INPP4A: variants seen among roughly 807,000 people sequenced by gnomAD.
INPP4A encodes the protein inositol polyphosphate-4-phosphatase type I A.
Under a neutral mutation model 119.8 loss-of-function variants are expected in INPP4A, and 33 were observed. That is an observed-to-expected ratio of 0.28 (90% CI 0.21 to 0.37). The LOEUF is 0.37. Among genes scored for constraint, INPP4A ranks in the 10% least tolerant of loss-of-function variants. The probability of loss-of-function intolerance (pLI) is 1.00; values close to 1 mark genes in which losing one functional copy is unlikely to be tolerated. For missense variants in INPP4A, 956 were observed against 1,289.9 expected (o/e 0.74, Z 3.97); for synonymous variants, 496 against 500.7 (o/e 0.99, Z 0.12).
At chr2:98,519,177 T>C (rs542767529) in intron 2 of INPP4A, 152 bp downstream of exon 2, 3 of 152,392 alleles carry the variant, frequency 2.0e-5, no homozygotes, top group Non-Finnish European at 2.9e-5. Flanking sequence ...AGTCTAATTA[T>C]CTTAACTTGT....
chr2:98,541,190 G>T (rs1233196155), intron 10 of INPP4A, among the ~76,000 whole-genome samples: 1 of 152,058 alleles, frequency 6.6e-6, no homozygotes, highest in Non-Finnish European at 1.5e-5. Flanking sequence ...AGCCGGGCGC[G>T]GTGGTGGGCG....
intron 1 of INPP4A, among the ~76,000 whole-genome samples, chr2:98,516,324 G>A (rs147744723): frequency 5.3e-4 from 80 of 152,226 alleles, no homozygotes; most frequent in South Asian, 1.0e-3. Flanking sequence ...AAAAGTTTCC[G>A]TGACCTGTGA....
intron 1 of INPP4A, among the ~76,000 whole-genome samples, chr2:98,497,002 T>G (rs778979289): frequency 5.9e-5 from 9 of 152,218 alleles, no homozygotes; most frequent in Non-Finnish European, 1.3e-4. Context: ...TTTTCCACCC[T>G]ACTCTTAGCA....
chr2:98,526,049 C>G (rs1375579212), intron 4 of INPP4A, among the ~76,000 whole-genome samples: 1 of 152,136 alleles, frequency 6.6e-6, no homozygotes, highest in African/African-American at 2.4e-5. Context: ...CGGAAAACAA[C>G]CCAAATGTCT....
chr2:98,458,384 C>T (rs1696540045), intron 1 of INPP4A, among the ~76,000 whole-genome samples: 1 of 152,100 alleles, frequency 6.6e-6, no homozygotes, highest in South Asian at 2.1e-4. Flanking sequence ...CTCACCTTCT[C>T]TACCCTGGGA....
chr2:98,481,281 T>C (rs779585062), intron 1 of INPP4A, among the ~76,000 whole-genome samples: 3 of 152,084 alleles, frequency 2.0e-5, no homozygotes, highest in Non-Finnish European at 2.9e-5. Context: ...AATGTGGACC[T>C]GGTGTGATCC....
At chr2:98,492,606 G>T (rs147183534) in intron 1 of INPP4A, among the ~76,000 whole-genome samples, 218 of 152,352 alleles carry the variant, frequency 1.4e-3, no homozygotes, top group Non-Finnish European at 2.3e-3. Flanking sequence ...AGACCTGGGA[G>T]CCCTTTAGGG....
intron 24 of INPP4A, among the ~76,000 whole-genome samples, chr2:98,582,024 G>A (rs1699379706): frequency 6.6e-6 from 1 of 152,036 alleles, no homozygotes; most frequent in African/African-American, 2.4e-5. Flanking sequence ...TCGTTTAGCT[G>A]GCCTGGAATT....
chr2:98,535,830 T>C lies in INPP4A; in HGVS notation c.372T>C (p.Asp124=), dbSNP rs1372245521. The C allele has an allele frequency of 1.3e-6, 2 of 1,522,336 alleles. No individual in the cohort carries two copies. The highest frequency in any genetic ancestry group is 1.8e-6 in the Non-Finnish European group (2 of 1,103,472). The allele number at this position is 1,522,336 out of a possible 1,614,324, so 94.3% of individuals were successfully genotyped here. A position where few individuals can be genotyped will look rare whatever the true frequency, so the allele number is the denominator to read the frequency against. Residue 124 remains aspartate (D), a synonymous_variant, in exon 6 of 25, where the codon GAT becomes GAC. Transcript: ENST00000409851. ...AACTCTCCGTGTATGATGTCAAAGA[T>C]AGATCTCAGGGAACAGTTAAGTAAT... The part of the protein sequence containing the change: ...QVKLSVYDVK[D]RSQGTMYLLG...
intron 1 of INPP4A, among the ~76,000 whole-genome samples, chr2:98,513,981 G>A (rs1460701208): frequency 6.6e-6 from 1 of 152,216 alleles, no homozygotes; most frequent in Non-Finnish European, 1.5e-5. Flanking sequence ...CCTGTTAGGT[G>A]TAGACAAGGT....
At chr2:98,499,060 A>T (rs947383019) in intron 1 of INPP4A, among the ~76,000 whole-genome samples, 2 of 152,244 alleles carry the variant, frequency 1.3e-5, no homozygotes, top group African/African-American at 4.8e-5. Flanking sequence ...TGCCCCACTG[A>T]GGAACTAGGA....
chr2:98,531,844 G>A (rs1689296117), intron 4 of INPP4A, among the ~76,000 whole-genome samples: 1 of 152,242 alleles, frequency 6.6e-6, no homozygotes, highest in Non-Finnish European at 1.5e-5. Flanking sequence ...GTAGAAGGCT[G>A]ATGATTCCAG....
chr2:98,588,739 T>C lies in INPP4A; in HGVS notation c.*1131T>C, dbSNP rs1419603692. 4.5e-6 allele frequency: 1 copy of C among 222,134 alleles called. No homozygotes were observed. 13.8% of individuals were successfully genotyped at this position (222,134 alleles called of 1,614,324 possible). On this transcript the variant is annotated 3_prime_UTR_variant, in exon 25 of 25. Transcript: ENST00000409851. ...ATAGAAAATTTTGTCTGGTCATCTT[T>C]TATAAGATGATGATGAGTCTTATCT... is the stretch of plus-strand genomic sequence containing the variant.
intron 1 of INPP4A, among the ~76,000 whole-genome samples, chr2:98,445,329 C>A (rs990202367): frequency 6.6e-6 from 1 of 152,152 alleles, no homozygotes; most frequent in African/African-American, 2.4e-5. Context: ...CAGCAGGGAG[C>A]CGGGTGCCGA....
intron 1 of INPP4A, among the ~76,000 whole-genome samples, chr2:98,449,177 G>A (rs1291827330): frequency 1.3e-5 from 2 of 152,266 alleles, no homozygotes; most frequent in East Asian, 3.9e-4. Context: ...TTGAGACTAT[G>A]TAAATATAGT....
At chr2:98,586,368 C>G (rs1412993772) in intron 24 of INPP4A, among the ~76,000 whole-genome samples, 1 of 151,224 alleles carries the variant, frequency 6.6e-6, no homozygotes, top group Non-Finnish European at 1.5e-5. Context: ...ACATAATGGT[C>G]TTCATACAAT....
At chr2:98,475,950 C>T (rs1677118386) in intron 1 of INPP4A, among the ~76,000 whole-genome samples, 1 of 152,202 alleles carries the variant, frequency 6.6e-6, no homozygotes, top group South Asian at 2.1e-4. Context: ...CAAGGCTAAT[C>T]TACAAATGTT....
Position 98,546,450 on chromosome 2 carries a change from G to A in INPP4A, c.1055-136G>A, listed in dbSNP as rs1692502737. ...AGCAGACCCTTGGGCAGCCAGGGCT[G>A]TGGGATCAGGGGAACCAAAGGCTGT... is the stretch of plus-strand genomic sequence containing the variant. On this transcript the variant is annotated intron_variant, in intron 12 of 24. Transcript: ENST00000409851. This position sits in a 1 kb window ranked among gnomAD's most constrained non-coding sequence, Gnocchi z 4.2. 9.5e-6 allele frequency: 6 copies of A among 633,286 alleles called. No individual in the cohort carries two copies. The highest frequency in any genetic ancestry group is 1.7e-5 in the Non-Finnish European group (6 of 356,220). 39.2% of individuals were successfully genotyped at this position (633,286 alleles called of 1,614,324 possible).
intron 8 of INPP4A, among the ~76,000 whole-genome samples, chr2:98,538,261 C>T (rs1450423750): frequency 1.3e-5 from 2 of 152,142 alleles, no homozygotes; most frequent in Non-Finnish European, 2.9e-5. Context: ...GGAAGAACTG[C>T]AGTCAGGGGG....
Sources: gnomAD v4.1 joint callset for allele counts (sites outside exome capture counted in the v4.1 genomes callset) on GRCh38, gnomAD v4.1.1 for gene constraint, Gnocchi (gnomAD v3.1) non-coding constraint, MANE v1.5 for transcripts, NCBI Gene and HGNC (gene_info 2026-07-23, HGNC 2026-07-21) for gene names.